The following TMEM182 variants were observed in gnomAD, a reference collection of about 807,000 sequenced individuals.
The protein encoded by TMEM182 is transmembrane protein 182.
TMEM182 carries 20 observed loss-of-function variants against 26.8 expected under a neutral mutation model. The observed-to-expected ratio is 0.75, with a 90% CI of 0.53 to 1.09. The LOEUF is 1.09. Among genes scored for constraint, TMEM182 ranks in the 50% least tolerant of loss-of-function variants. The probability of loss-of-function intolerance (pLI) is 0.00; values close to 1 mark genes in which losing one functional copy is unlikely to be tolerated. For synonymous variants in TMEM182, 109 were observed against 102.2 expected, an observed-to-expected ratio of 1.07 and a Z score of -0.40; for missense variants, 277 against 275.5, an observed-to-expected ratio of 1.01 and a Z score of -0.04.
downstream of TMEM182, among the ~76,000 whole-genome samples, chr2:102,819,755 G>A (rs1422032830): frequency 6.6e-6 from 1 of 152,040 alleles, no homozygotes. Flanking sequence ...ATCTGTCTCA[G>A]GCATTCCCAA....
intron 1 of TMEM182, among the ~76,000 whole-genome samples, chr2:102,753,200 C>A (rs902110808): frequency 4.0e-5 from 6 of 151,356 alleles, no homozygotes; most frequent in Admixed American, 2.0e-4. Flanking sequence ...AGCTTCCCCC[C>A]CCCACTGCCT....
intron 1 of TMEM182, among the ~76,000 whole-genome samples, chr2:102,740,078 G>C (rs143079745): frequency 6.6e-6 from 1 of 152,198 alleles, no homozygotes; most frequent in Non-Finnish European, 1.5e-5. Context: ...GAAATATAAC[G>C]TGATTGTGAA....
chr2:102,762,204 C>A lies in TMEM182; in HGVS notation c.-14C>A. 2 of 1,598,460 alleles carry A rather than the reference C, an allele frequency of 1.3e-6. No homozygotes were observed. The highest frequency in any genetic ancestry group is 1.7e-6 in the Non-Finnish European group (2 of 1,170,676). On this transcript the variant is annotated 5_prime_UTR_variant, in exon 1 of 5. Coordinates refer to ENST00000412401, the MANE Select transcript of TMEM182 (RefSeq NM_144632.5). ...ATTTCATATTTTATTTAAAAGGAAA[C>A]CAGTGAATTGAAAATGAGACTAAAT...
At chr2:102,784,275 C>A (rs1213745525) in intron 3 of TMEM182, among the ~76,000 whole-genome samples, 3 of 151,970 alleles carry the variant, frequency 2.0e-5, no homozygotes, top group Non-Finnish European at 4.4e-5. Flanking sequence ...CTTTGTCTCA[C>A]AGTATTTTAC....
rs1176928163 is a variant in TMEM182, at chr2:102,747,118, G to A, written c.-83+10105G>A. Among the ~76,000 whole-genome samples the A allele has an allele frequency of 2.6e-5, 4 of 152,318 alleles. No homozygotes were observed. The East Asian group carries it at 7.7e-4, about 29-fold the overall frequency. ...ACGGTCACCCTGGGAGTGAAACTCG[G>A]ACTGTTTTTATTTTTTCCTTTTTTT... On this transcript the variant is annotated intron_variant, in intron 1 of 5. Coordinates refer to the TMEM182 transcript ENST00000409173.
chr2:102,816,805 T>C lies in TMEM182; in HGVS notation c.*1837T>C. 3 of 985,838 alleles carry C rather than the reference T, an allele frequency of 3.0e-6. No individual in the cohort carries two copies. Among genetic ancestry groups the C allele is most frequent in the Non-Finnish European group, 3.6e-6 (3 of 829,928 alleles). The allele number at this position is 985,838 out of a possible 1,614,324, so 61.1% of individuals were successfully genotyped here. A position where few individuals can be genotyped will look rare whatever the true frequency, so the allele number is the denominator to read the frequency against. On this transcript the variant is annotated 3_prime_UTR_variant, in exon 5 of 5. Transcript: ENST00000412401. Reference sequence around the variant, plus strand: ...TAGTTCATGTCATCTGTAAATACAATTCTTTTTTGTAGTACTTTGGAATGG... The same window carrying C: ...TAGTTCATGTCATCTGTAAATACAACTCTTTTTTGTAGTACTTTGGAATGG...
Position 102,814,899 on chromosome 2 carries a change from G to T in TMEM182, c.621G>T (p.Gly207=). ...GGTCATTTTTCCTGGCCCCAGCTGG[G>T]ATATTTTTTTCTTTGCTAGCTGGAT... ...YGWSFFLAPA[G]IFFSLLAGLL... is the part of the protein sequence containing the mutation. Residue 207 remains glycine, a synonymous_variant, in exon 5 of 5, where the codon GGG becomes GGT. Coordinates refer to ENST00000412401, the MANE Select transcript of TMEM182 (RefSeq NM_144632.5). The T allele has an allele frequency of 1.2e-6, 2 of 1,613,890 alleles. No individual in the cohort carries two copies. The highest frequency in any genetic ancestry group is 1.7e-6 in the Non-Finnish European group (2 of 1,179,966).
intron 1 of TMEM182, among the ~76,000 whole-genome samples, chr2:102,745,631 C>A (rs1435829838): frequency 6.6e-6 from 1 of 151,994 alleles, no homozygotes; most frequent in Non-Finnish European, 1.5e-5. Context: ...TAGGCATTAC[C>A]CTCCAAACCT....
chr2:102,765,271 A>AG (rs1467548236), intron 3 of TMEM182, among the ~76,000 whole-genome samples: 1 of 152,276 alleles, frequency 6.6e-6, no homozygotes, highest in East Asian at 1.9e-4. Context: ...CTGGAGATTC[A>AG]GGTCAGAGCT....
Position 102,817,559 on chromosome 2 carries a change from C to T in TMEM182, c.*2591C>T. On this transcript the variant is annotated 3_prime_UTR_variant, in exon 5 of 5. Transcript: ENST00000412401. ...ATTTGAGGGTTGATGGTAGGGCTTT[C>T]TAAAAAAAGTAATATCAAGTGTGTT... The T allele has an allele frequency of 1.0e-6, 1 of 985,064 alleles. No individual in the cohort carries two copies. The highest frequency in any genetic ancestry group is 4.7e-5 in the South Asian group (1 of 21,270). The allele number at this position is 985,064 out of a possible 1,614,324, so 61.0% of individuals were successfully genotyped here.
intron 1 of TMEM182, among the ~76,000 whole-genome samples, chr2:102,750,417 GCTT>G (rs1393164151): frequency 2.0e-5 from 3 of 152,230 alleles, no homozygotes; most frequent in East Asian, 3.9e-4. Flanking sequence ...TGCCGATGTT[GCTT>G]CTGTCCTAAG....
chr2:102,742,709 G>C (rs1021243925), intron 1 of TMEM182, among the ~76,000 whole-genome samples: 1 of 152,078 alleles, frequency 6.6e-6, no homozygotes, highest in Non-Finnish European at 1.5e-5. Flanking sequence ...GAGGAGTCAG[G>C]ATAGAAAATA....
chr2:102,784,193 G>A (rs1317561832), intron 3 of TMEM182, among the ~76,000 whole-genome samples: 1 of 152,060 alleles, frequency 6.6e-6, no homozygotes, highest in Non-Finnish European at 1.5e-5. Flanking sequence ...TTATCTATAA[G>A]GTCCCTTGAT....
intron 3 of TMEM182, among the ~76,000 whole-genome samples, chr2:102,833,790 A>G (rs571328523): frequency 2.0e-5 from 3 of 152,348 alleles, no homozygotes; most frequent in Admixed American, 1.3e-4. Flanking sequence ...TTTGTCCAGC[A>G]TGTCTCATTT....
chr2:102,745,344 TA>T (rs138420532), intron 1 of TMEM182, among the ~76,000 whole-genome samples: 1 of 152,216 alleles, frequency 6.6e-6, no homozygotes, highest in East Asian at 1.9e-4. Context: ...ACTTTTCCAT[TA>T]TAATCTTTAA....
At position 102,740,254 on chromosome 2, in the gene TMEM182, T is replaced by C. The variant is rs530176389; in HGVS notation, c.-83+3241T>C. Reference sequence around the variant, plus strand: ...TTCCCACGCAAATCTCATCTTGAACTGCAGTTCCCTTAATCCCCATGTGTT... The same window carrying C: ...TTCCCACGCAAATCTCATCTTGAACCGCAGTTCCCTTAATCCCCATGTGTT... On this transcript the variant is annotated intron_variant, in intron 1 of 5. Transcript: ENST00000409173. Among the ~76,000 whole-genome samples, 25 of 152,332 alleles carry C rather than the reference T, an allele frequency of 1.6e-4. 1 individual carries two copies. Among genetic ancestry groups the C allele is most frequent in the African/African-American group, 5.3e-4 (22 of 41,578 alleles).
chr2:102,739,525 TTC>T (rs1156691835), intron 1 of TMEM182, among the ~76,000 whole-genome samples: 4 of 152,176 alleles, frequency 2.6e-5, no homozygotes, highest in Non-Finnish European at 5.9e-5. Context: ...CTTGGTGCTG[TTC>T]TCATGATAGT....
chr2:102,836,648 C>A (rs964487155), intron 3 of TMEM182, among the ~76,000 whole-genome samples: 2 of 152,166 alleles, frequency 1.3e-5, no homozygotes, highest in African/African-American at 4.8e-5. Context: ...GCCAAGTGTT[C>A]AGAGGCGTTC....
intron 3 of TMEM182, among the ~76,000 whole-genome samples, chr2:102,790,499 T>A (rs1681590510): frequency 1.3e-5 from 2 of 152,248 alleles, no homozygotes; most frequent in Non-Finnish European, 2.9e-5. Flanking sequence ...ATTCTGCCAC[T>A]AGCTTCTTGC....
Sources: allele counts gnomAD v4.1 joint callset (sites outside exome capture counted in the v4.1 genomes callset), GRCh38; gene constraint gnomAD v4.1.1; transcripts MANE v1.5; gene names NCBI Gene and HGNC (gene_info 2026-07-23, HGNC 2026-07-21).